The following GRM3 variants were observed in gnomAD, a reference collection of about 807,000 sequenced individuals.
GRM3 encodes metabotropic glutamate receptor 3.
In GRM3, 26 loss-of-function variants were observed where a neutral mutation model predicts 70.5. The ratio of observed to expected loss-of-function variants is 0.37; its 90% CI spans 0.27 to 0.51. The LOEUF is 0.51. Among genes scored for constraint, GRM3 ranks in the 20% least tolerant of loss-of-function variants. GRM3 has a pLI of 0.93. For synonymous variants in GRM3, 443 were observed against 434.9 expected (o/e 1.02, Z -0.23); for missense variants, 859 against 1,123.8 (o/e 0.76, Z 3.37).
At position 86,778,448 on chromosome 7, in the gene GRM3, GA is replaced by G. The variant is rs1170633314; in HGVS notation, c.469-7804del. Among the ~76,000 whole-genome samples the G allele has an allele frequency of 1.3e-4, 19 of 151,094 alleles. No individual in the cohort carries two copies. The South Asian group carries it at 2.7e-3, about 22-fold the overall frequency. The stretch of plus-strand genomic sequence containing the variant: ...GTCCACAGTCCTTTTGTCTTGTGTT[GA>G]AAAAAAAATATTTGGCATTGTGTCA... On this transcript the variant is annotated intron_variant, in intron 2 of 5. Coordinates refer to ENST00000361669, the MANE Select transcript of GRM3 (RefSeq NM_000840.3).
chr7:86,676,038 C>A lies in GRM3; in HGVS notation c.-141+31166C>A, dbSNP rs562738080. On this transcript the variant is annotated intron_variant, in intron 1 of 5. Coordinates refer to ENST00000361669, the MANE Select transcript of GRM3 (RefSeq NM_000840.3). ...ATCAAAAGAAGGAAATGATTGTATT[C>A]GTCAGTGTATTGTCCTATTAGGGGA... is the stretch of plus-strand genomic sequence containing the variant. Among the ~76,000 whole-genome samples, 36 of 151,864 alleles carry A rather than the reference C, an allele frequency of 2.4e-4. No homozygotes were observed. In the South Asian group the frequency reaches 7.5e-3, roughly 32 times the overall value.
intron 3 of GRM3, among the ~76,000 whole-genome samples, chr7:86,838,290 GTAGTT>G (rs1798495858): frequency 1.3e-5 from 2 of 152,076 alleles, no homozygotes; most frequent in African/African-American, 4.8e-5. Context: ...AGTATGATAG[GTAGTT>G]TAATTTTTTT....
At chr7:86,800,129 T>A (rs942178525) in intron 3 of GRM3, among the ~76,000 whole-genome samples, 1 of 152,166 alleles carries the variant, frequency 6.6e-6, no homozygotes, top group African/African-American at 2.4e-5. Flanking sequence ...ATCTCTGGGA[T>A]GTAGCTACAG....
At chr7:86,645,172 C>A (rs756019472) in intron 1 of GRM3, among the ~76,000 whole-genome samples, 1 of 152,130 alleles carries the variant, frequency 6.6e-6, no homozygotes, top group Non-Finnish European at 1.5e-5. Flanking sequence ...CCAGAGAGAC[C>A]AGTCTCATCA....
At chr7:86,708,999 A>G (rs1338858597) in intron 1 of GRM3, among the ~76,000 whole-genome samples, 2 of 152,072 alleles carry the variant, frequency 1.3e-5, no homozygotes, top group Admixed American at 1.3e-4. Flanking sequence ...TAATCTTAGA[A>G]AAAAGTTATA....
intron 1 of GRM3, among the ~76,000 whole-genome samples, chr7:86,759,046 G>A (rs1273177804): frequency 1.3e-5 from 2 of 152,090 alleles, no homozygotes; most frequent in Non-Finnish European, 2.9e-5. Flanking sequence ...ATTTCAAACA[G>A]CCTTAAACTC....
intron 1 of GRM3, among the ~76,000 whole-genome samples, chr7:86,698,465 C>G (rs1409033291): frequency 6.6e-6 from 1 of 150,420 alleles, no homozygotes; most frequent in Non-Finnish European, 1.5e-5. Flanking sequence ...GAAATGTTTC[C>G]TCCCTTTCCA....
At chr7:86,648,727 TG>T (rs905472029) in intron 1 of GRM3, among the ~76,000 whole-genome samples, 3 of 151,274 alleles carry the variant, frequency 2.0e-5, no homozygotes, top group African/African-American at 7.3e-5. Flanking sequence ...TAGAAAAGCC[TG>T]AAAAAAAAAA....
intron 2 of GRM3, among the ~76,000 whole-genome samples, chr7:86,772,939 A>T (rs1260099484): frequency 6.6e-6 from 1 of 152,074 alleles, no homozygotes; most frequent in African/African-American, 2.4e-5. Context: ...ACTGACTAGG[A>T]TTCACTTAAC....
At chr7:86,833,183 G>T in intron 3 of GRM3, 9 of 831,210 alleles carry the variant, frequency 1.1e-5, no homozygotes, top group Non-Finnish European at 1.3e-5. Context: ...ACTCACAGGT[G>T]GGAATTGAAC....
intron 1 of GRM3, among the ~76,000 whole-genome samples, chr7:86,696,193 A>G (rs1465861112): frequency 2.0e-5 from 3 of 152,188 alleles, no homozygotes; most frequent in Non-Finnish European, 4.4e-5. Context: ...AAATCCCCAT[A>G]ATCTGCAATT....
intron 1 of GRM3, among the ~76,000 whole-genome samples, chr7:86,666,637 G>A (rs1425326046): frequency 2.6e-5 from 4 of 151,604 alleles, no homozygotes; most frequent in Non-Finnish European, 4.4e-5. Flanking sequence ...GTTTCAGAAC[G>A]CTTTTTTTTC....
At chr7:86,755,388 C>T (rs530153845) in intron 1 of GRM3, among the ~76,000 whole-genome samples, 1 of 152,092 alleles carries the variant, frequency 6.6e-6, no homozygotes, top group African/African-American at 2.4e-5. Flanking sequence ...GGGCAGTAAT[C>T]ATAACCTTGG....
At chr7:86,757,777 GT>G (rs149731388) in intron 1 of GRM3, among the ~76,000 whole-genome samples, 3,776 of 151,132 alleles carry the variant, frequency 0.025, 156 homozygotes, top group African/African-American at 0.084. Context: ...TCCCTCATGT[GT>G]TTTTTTTTCT....
At chr7:86,722,885 G>T (rs1351305727) in intron 1 of GRM3, among the ~76,000 whole-genome samples, 1 of 152,132 alleles carries the variant, frequency 6.6e-6, no homozygotes, top group Non-Finnish European at 1.5e-5. Flanking sequence ...GTCTTAACAT[G>T]CTAGTTCTAA....
chr7:86,647,142 G>C (rs193025142), intron 1 of GRM3, among the ~76,000 whole-genome samples: 1 of 152,148 alleles, frequency 6.6e-6, no homozygotes, highest in Non-Finnish European at 1.5e-5. Flanking sequence ...TGATTAGCTG[G>C]AATCACACAA....
chr7:86,807,864 C>T (rs892434056), intron 3 of GRM3, among the ~76,000 whole-genome samples: 9 of 151,936 alleles, frequency 5.9e-5, no homozygotes, highest in East Asian at 1.9e-4. Context: ...CCATTCAGTA[C>T]GATATTGGCT....
rs888234426 is a variant in GRM3, at chr7:86,682,390, T to C, written c.-141+37518T>C. 4.6e-5 allele frequency among the ~76,000 whole-genome samples: 7 copies of C among 152,174 alleles called. No individual in the cohort carries two copies. In the East Asian group the frequency reaches 9.6e-4, roughly 21 times the overall value. On this transcript the variant is annotated intron_variant, in intron 1 of 5. Coordinates refer to ENST00000361669, the MANE Select transcript of GRM3 (RefSeq NM_000840.3). ...CTGCAATACTAAATAATCCAGCTTG[T>C]AGGGTTCCAAGTCTATGTACCCAGT...
intron 3 of GRM3, among the ~76,000 whole-genome samples, chr7:86,800,854 A>G (rs1797664305): frequency 1.3e-5 from 2 of 152,332 alleles, no homozygotes; most frequent in South Asian, 4.1e-4. Context: ...ACTTCAGGCC[A>G]ATATCCCTGA....
Sources: gnomAD v4.1 joint callset for allele counts (sites outside exome capture counted in the v4.1 genomes callset) on GRCh38, gnomAD v4.1.1 for gene constraint, MANE v1.5 for transcripts, NCBI Gene and HGNC (gene_info 2026-07-23, HGNC 2026-07-21) for gene names.